The following ARHGAP25 variants were observed in gnomAD, a reference collection of about 807,000 sequenced individuals.
ARHGAP25 encodes the protein rho GTPase-activating protein 25.
In ARHGAP25, 34 loss-of-function variants were observed where a neutral mutation model predicts 71.0. The ratio of observed to expected loss-of-function variants is 0.48; its 90% CI spans 0.36 to 0.64. The LOEUF (loss-of-function observed/expected upper bound fraction) is 0.64, where lower values mean the gene tolerates loss of function less well. Among genes scored for constraint, ARHGAP25 ranks in the 30% least tolerant of loss-of-function variants. The probability of loss-of-function intolerance (pLI) is 0.00; values close to 1 mark genes in which losing one functional copy is unlikely to be tolerated. For synonymous variants in ARHGAP25, 282 were observed against 296.5 expected (o/e 0.95, Z 0.50); for missense variants, 706 against 805.1 (o/e 0.88, Z 1.49).
intron 1 of ARHGAP25, among the ~76,000 whole-genome samples, chr2:68,750,274 G>C (rs976653722): frequency 1.3e-5 from 2 of 150,814 alleles, no homozygotes; most frequent in African/African-American, 4.9e-5. Flanking sequence ...GCCTCCCCAA[G>C]TGGTGGGATG....
At chr2:68,803,610 T>C (rs769551639) in intron 4 of ARHGAP25, among the ~76,000 whole-genome samples, 7 of 152,020 alleles carry the variant, frequency 4.6e-5, no homozygotes, top group Non-Finnish European at 7.4e-5. Flanking sequence ...GATCTTTCAA[T>C]TGAAAGAGAA....
At chr2:68,822,906 G>A (rs373685678) in intron 10 of ARHGAP25, 34 bp downstream of exon 10, 9 of 1,557,880 alleles carry the variant, frequency 5.8e-6, no homozygotes, top group South Asian at 1.2e-5. Context: ...AGAGGCACTT[G>A]GCTTCCATCT....
chr2:68,774,767 T>A, intron 1 of ARHGAP25: 1 of 1,023,298 alleles, frequency 9.8e-7, no homozygotes. Flanking sequence ...CCCAGGCAGC[T>A]TCCGGCGGCC....
intron 7 of ARHGAP25, 91 bp downstream of exon 7, chr2:68,816,453 A>C: frequency 9.5e-7 from 1 of 1,053,438 alleles, no homozygotes; most frequent in Non-Finnish European, 1.5e-6. Context: ...CTGTGAACAG[A>C]GAGATTCTGG....
At chr2:68,799,260 G>C (rs1441571632) in intron 4 of ARHGAP25, among the ~76,000 whole-genome samples, 1 of 152,172 alleles carries the variant, frequency 6.6e-6, no homozygotes, top group African/African-American at 2.4e-5. Flanking sequence ...TTGGCAGCAT[G>C]AGACAGCCCC....
At chr2:68,797,392 A>G (rs1008269953) in intron 4 of ARHGAP25, among the ~76,000 whole-genome samples, 1 of 152,154 alleles carries the variant, frequency 6.6e-6, no homozygotes, top group Admixed American at 6.5e-5. Context: ...TCCCTCCTCC[A>G]TCCTGGCTAT....
At chr2:68,713,773 G>C (rs368122147) in intron 2 of ARHGAP25, among the ~76,000 whole-genome samples, 1 of 152,140 alleles carries the variant, frequency 6.6e-6, no homozygotes, top group Admixed American at 6.5e-5. Flanking sequence ...TTTTGTCATT[G>C]GTTCTGTTTA....
chr2:68,765,212 A>T (rs900204109), intron 1 of ARHGAP25, among the ~76,000 whole-genome samples: 1 of 152,190 alleles, frequency 6.6e-6, no homozygotes, highest in Non-Finnish European at 1.5e-5. Context: ...GTGCAGGGAT[A>T]TGGAGGCGGA....
chr2:68,805,336 A>G (rs80298511), intron 4 of ARHGAP25, among the ~76,000 whole-genome samples: 2 of 152,092 alleles, frequency 1.3e-5, no homozygotes, highest in Non-Finnish European at 2.9e-5. Context: ...ATCTAATCAC[A>G]GTCTCACCGC....
At chr2:68,735,887 A>T (rs1346997595) in intron 1 of ARHGAP25, among the ~76,000 whole-genome samples, 1 of 152,212 alleles carries the variant, frequency 6.6e-6, no homozygotes, top group East Asian at 1.9e-4. Flanking sequence ...TTTCTGAGAT[A>T]GTCTGGCCTT....
chr2:68,775,101 G>T (rs1357967896), intron 1 of ARHGAP25, 120 bp from the exon 2 acceptor site: 3 of 1,584,826 alleles, frequency 1.9e-6, no homozygotes, highest in Admixed American at 1.7e-5. Flanking sequence ...CCCTGAACTG[G>T]ACCTGGTTGT....
At chr2:68,821,092 C>CTTTTTTTTTTTT (rs34119311) in intron 9 of ARHGAP25, among the ~76,000 whole-genome samples, 214 of 99,372 alleles carry the variant, frequency 2.2e-3, no homozygotes, top group Middle Eastern at 6.9e-3. Flanking sequence ...CTTTTTCTTT[C>CTTTTTTTTTTTT]TTTTTTTTTT....
At chr2:68,724,642 AC>A (rs1674840791) in intron 2 of ARHGAP25, among the ~76,000 whole-genome samples, 1 of 152,180 alleles carries the variant, frequency 6.6e-6, no homozygotes, top group African/African-American at 2.4e-5. Context: ...CCAGACTCAG[AC>A]CCAGCTGCCT....
chr2:68,773,359 ATGGATGGAGC>A (rs1226462280), intron 1 of ARHGAP25, among the ~76,000 whole-genome samples: 1 of 152,224 alleles, frequency 6.6e-6, no homozygotes, highest in Non-Finnish European at 1.5e-5. Flanking sequence ...TTGCAGCAAC[ATGGATGGAGC>A]TGGAGGCTAT....
chr2:68,728,577 G>T (rs1471504736), intron 2 of ARHGAP25, among the ~76,000 whole-genome samples: 5 of 152,010 alleles, frequency 3.3e-5, no homozygotes, highest in Non-Finnish European at 7.4e-5. Context: ...ATGCCATTTT[G>T]TCAGGGGAAG....
chr2:68,724,191 G>A (rs771764414), intron 2 of ARHGAP25, among the ~76,000 whole-genome samples: 29 of 152,152 alleles, frequency 1.9e-4, no homozygotes, highest in Middle Eastern at 3.4e-3. Flanking sequence ...CTGGAAGAGT[G>A]GCTTCTTTCT....
At chr2:68,811,667 TACA>T (rs2103655987) in intron 5 of ARHGAP25, among the ~76,000 whole-genome samples, 1 of 152,040 alleles carries the variant, frequency 6.6e-6, no homozygotes, top group East Asian at 1.9e-4. Context: ...CAGAGACAGC[TACA>T]ACAACTGGCT....
chr2:68,781,831 G>T (rs1317267629), intron 2 of ARHGAP25, among the ~76,000 whole-genome samples: 1 of 152,126 alleles, frequency 6.6e-6, no homozygotes, highest in Non-Finnish European at 1.5e-5. Context: ...TCACCTGAGT[G>T]GTTCAGTCCT....
intron 1 of ARHGAP25, among the ~76,000 whole-genome samples, chr2:68,740,870 T>C (rs893430911): frequency 2.0e-5 from 3 of 152,232 alleles, no homozygotes; most frequent in Non-Finnish European, 4.4e-5. Flanking sequence ...AGGGGCTAAA[T>C]TGTCCATTGA....
Sources: gnomAD v4.1 joint callset for allele counts (sites outside exome capture counted in the v4.1 genomes callset) on GRCh38, gnomAD v4.1.1 for gene constraint, MANE v1.5 for transcripts, NCBI Gene and HGNC (gene_info 2026-07-23, HGNC 2026-07-21) for gene names.